Variants in HOXB3 observed in about 807,000 individuals in gnomAD.
HOXB3 encodes the protein homeobox protein Hox-B3.
A neutral mutation model predicts 29.2 loss-of-function variants in HOXB3; 17 were observed. The ratio of observed to expected loss-of-function variants is 0.58; its 90% CI spans 0.40 to 0.87. HOXB3 has a LOEUF of 0.87. Ranked by LOEUF, HOXB3 falls within the 40% of genes least tolerant of loss-of-function variation. The pLI is 0.00. For missense variants in HOXB3, 637 were observed against 616.3 expected (o/e 1.03, Z -0.35); for synonymous variants, 317 against 285.9 (o/e 1.11, Z -1.10).
At chr17:48,575,519 G>A (rs1037285484) in intron 1 of HOXB3, 13 of 152,420 alleles carry the variant, frequency 8.5e-5, no homozygotes, top group Admixed American at 5.2e-4. Context: ...CTGGTCACAA[G>A]AAACCAAACA....
chr17:48,552,497 G>A lies in HOXB3; in HGVS notation c.-23C>T. Reference sequence around the variant, plus strand: ...CATCGCTGGGTGAGGCCTGGGCAGTGGGTGGCAACTTGGAAAGGCCTGATA... The same window carrying A: ...CATCGCTGGGTGAGGCCTGGGCAGTAGGTGGCAACTTGGAAAGGCCTGATA... On this transcript the variant is annotated 5_prime_UTR_variant, in exon 4 of 5. Transcript: ENST00000498678. 1 of 1,537,182 alleles carries A rather than the reference G, an allele frequency of 6.5e-7. No homozygotes were observed. The highest frequency in any genetic ancestry group is 8.8e-7 in the Non-Finnish European group (1 of 1,138,048).
At chr17:48,573,257 T>C (rs1381469004) in intron 2 of HOXB3, among the ~76,000 whole-genome samples, 1 of 152,126 alleles carries the variant, frequency 6.6e-6, no homozygotes, top group Non-Finnish European at 1.5e-5. Context: ...GAGTAGCACA[T>C]ATTTGTCTAG....
chr17:48,573,862 C>T lies in HOXB3; in HGVS notation c.-272G>A, dbSNP rs1191467943. ...CTTTGCGCCTCTCGCCTCCTCTCGC[C>T]CGAACTCTGCAGATCCCATTCATGA... is the stretch of plus-strand genomic sequence containing the variant. On this transcript the variant is annotated 5_prime_UTR_variant, in exon 2 of 5. Coordinates refer to ENST00000498678, the MANE Select transcript of HOXB3 (RefSeq NM_001384749.1). The T allele has an allele frequency of 1.4e-6, 1 of 702,298 alleles. No individual in the cohort carries two copies. The highest frequency in any genetic ancestry group is 1.7e-5 in the African/African-American group (1 of 57,340). 43.5% of individuals were successfully genotyped at this position (702,298 alleles called of 1,614,324 possible).
In HOXB3 at chr17:48,552,163, A is replaced by G. The variant is rs2068778181; in HGVS notation, c.312T>C (p.Ser104=). The G allele has an allele frequency of 6.2e-7, 1 of 1,613,864 alleles. No individual in the cohort carries two copies. The highest frequency in any genetic ancestry group is 8.5e-7 in the Non-Finnish European group (1 of 1,179,910). ...CACTTTTGCTGGGCCCGCCCCCATT[A>G]CTGCTGTTGCTAGTGGCACTGGTAG... The part of the protein sequence containing the change: ...AAPTSATSNS[S]NGGGPSKSGP... Residue 104 remains serine, a synonymous_variant, in exon 4 of 5, where the codon AGT becomes AGC. Coordinates refer to ENST00000498678, the MANE Select transcript of HOXB3 (RefSeq NM_001384749.1).
At chr17:48,563,744 C>T (rs80347672) in intron 2 of HOXB3, among the ~76,000 whole-genome samples, 4,754 of 152,320 alleles carry the variant, frequency 0.031, 124 homozygotes, top group African/African-American at 0.073. Context: ...AACACTCAGC[C>T]TCAGTGCAAT....
chr17:48,554,791 C>A lies in HOXB3; in HGVS notation c.-159+740G>T, dbSNP rs1453518825. The A allele has an allele frequency of 2.8e-6, 2 of 702,254 alleles. No individual in the cohort carries two copies. The highest frequency in any genetic ancestry group is 4.0e-5 in the Admixed American group (2 of 49,998). The allele number at this position is 702,254 out of a possible 1,614,324, so 43.5% of individuals were successfully genotyped here. A position where few individuals can be genotyped will look rare whatever the true frequency, so the allele number is the denominator to read the frequency against. On this transcript the variant is annotated intron_variant, in intron 3 of 4. Coordinates refer to ENST00000498678, the MANE Select transcript of HOXB3 (RefSeq NM_001384749.1). This position sits in a 1 kb window ranked among gnomAD's most constrained non-coding sequence, Gnocchi z 4.1. ...CGAATTAAAAGGCGCCTTAGAAACT[C>A]CGCTTCGGGACTTTGCTCAGCAGGG... is the stretch of plus-strand genomic sequence containing the variant.
intron 3 of HOXB3, 176 bp downstream of exon 3, chr17:48,555,355 A>AGAGAGAGG: frequency 8.6e-6 from 4 of 466,232 alleles, no homozygotes; most frequent in East Asian, 3.5e-5. Flanking sequence ...AGAGAGAGAG[A>AGAGAGAGG]GAGAGAGAGG....
chr17:48,589,369 C>T (rs2065177180), intron 1 of HOXB3, among the ~76,000 whole-genome samples: 1 of 152,190 alleles, frequency 6.6e-6, no homozygotes, highest in African/African-American at 2.4e-5. Flanking sequence ...GAAGCTCTTC[C>T]CTTCCCCCAC....
intron 1 of HOXB3, chr17:48,578,778 C>G (rs2069858673): frequency 6.1e-6 from 1 of 162,722 alleles, no homozygotes; most frequent in Non-Finnish European, 1.3e-5. Flanking sequence ...CATTCTGTAC[C>G]TTCCAAAGGC....
chr17:48,550,161 T>G lies in HOXB3; in HGVS notation c.*173A>C, dbSNP rs1035205721. 25 of 811,754 alleles carry G rather than the reference T, an allele frequency of 3.1e-5. No homozygotes were observed. The South Asian group carries it at 4.6e-4, about 15-fold the overall frequency. The allele number at this position is 811,754 out of a possible 1,614,324, so 50.3% of individuals were successfully genotyped here. A position where few individuals can be genotyped will look rare whatever the true frequency, so the allele number is the denominator to read the frequency against. On this transcript the variant is annotated 3_prime_UTR_variant, in exon 5 of 5. Coordinates refer to ENST00000498678, the MANE Select transcript of HOXB3 (RefSeq NM_001384749.1). ...GCAGATGGAACAAGGGGTGGAAGAC[T>G]TAAAAGCAACCTCTCAGGCCAGGGG...
rs1297998898 is a variant in HOXB3, at chr17:48,554,982, C to A, written c.-159+549G>T. The A allele has an allele frequency of 3.3e-6, 2 of 609,938 alleles. No homozygotes were observed. Among genetic ancestry groups the A allele is most frequent in the Non-Finnish European group, 5.9e-6 (2 of 341,148 alleles). 37.8% of individuals were successfully genotyped at this position (609,938 alleles called of 1,614,324 possible). ...CCTCCATGTTGGAAAAATTCAGGTT[C>A]CATATGGCTCCTCGGGAGGGAGGGA... On this transcript the variant is annotated intron_variant, in intron 3 of 4. Transcript: ENST00000498678. The surrounding 1 kb of genome is among the most constrained non-coding windows in gnomAD (Gnocchi z 4.1).
chr17:48,590,055 C>T (rs1045675047), intron 1 of HOXB3, 70 bp downstream of exon 1: 11 of 152,194 alleles, frequency 7.2e-5, no homozygotes, highest in African/African-American at 2.7e-4. Flanking sequence ...CAGGTGGAAA[C>T]AAGTTTTCTT....
chr17:48,555,335 G>GGAGAGAGGGA, intron 3 of HOXB3, 196 bp downstream of exon 3: 1 of 459,426 alleles, frequency 2.2e-6, no homozygotes, highest in African/African-American at 3.4e-5. Flanking sequence ...AGAGAGAGAG[G>GGAGAGAGGGA]GAGAGAGAGA....
Position 48,550,189 on chromosome 17 carries a change from A to G in HOXB3, c.*145T>C, listed in dbSNP as rs2144722156. On this transcript the variant is annotated 3_prime_UTR_variant, in exon 5 of 5. Transcript: ENST00000498678. ...AAAGCAACCTCTCAGGCCAGGGGGA[A>G]GGGAAGGAGCTCCAGGCCGGTTCTG... The G allele has an allele frequency of 9.6e-7, 1 of 1,037,198 alleles. No individual in the cohort carries two copies. Among genetic ancestry groups the G allele is most frequent in the South Asian group, 1.6e-5 (1 of 61,062 alleles). The allele number at this position is 1,037,198 out of a possible 1,614,324, so 64.2% of individuals were successfully genotyped here.
At position 48,550,250 on chromosome 17, in the gene HOXB3, C is replaced by CT; in HGVS notation, c.*83dup. 1 of 1,574,256 alleles carries CT rather than the reference C, an allele frequency of 6.4e-7. No individual in the cohort carries two copies. The highest frequency in any genetic ancestry group is 8.6e-7 in the Non-Finnish European group (1 of 1,159,698). On this transcript the variant is annotated 3_prime_UTR_variant, in exon 5 of 5. Coordinates refer to ENST00000498678, the MANE Select transcript of HOXB3 (RefSeq NM_001384749.1). ...CTGGGTACCACCTTCTCTGGCTCCT[C>CT]TTTTCAGACCTCCAGGTTGCCCCCC...
chr17:48,560,856 C>G (rs1170060405), intron 2 of HOXB3, among the ~76,000 whole-genome samples: 2 of 152,156 alleles, frequency 1.3e-5, no homozygotes, highest in African/African-American at 4.8e-5. Context: ...AAGGGAGGCA[C>G]CTGCTATCAC....
chr17:48,551,626 T>G (rs1234070763), intron 4 of HOXB3, among the ~76,000 whole-genome samples: 1 of 152,186 alleles, frequency 6.6e-6, no homozygotes, highest in East Asian at 1.9e-4. Context: ...GCAGGAAGTG[T>G]GGCACGAAGA....
chr17:48,555,335 G>GGAGGGA, intron 3 of HOXB3, 196 bp downstream of exon 3: 1 of 470,184 alleles, frequency 2.1e-6, no homozygotes, highest in South Asian at 2.2e-5. Context: ...AGAGAGAGAG[G>GGAGGGA]GAGAGAGAGA....
In HOXB3 at chr17:48,554,805, T is replaced by C. The variant is rs1023264746; in HGVS notation, c.-159+726A>G. On this transcript the variant is annotated intron_variant, in intron 3 of 4. Transcript: ENST00000498678. This position sits in a 1 kb window ranked among gnomAD's most constrained non-coding sequence, Gnocchi z 4.1. ...CCTTAGAAACTCCGCTTCGGGACTTTGCTCAGCAGGGCTCCGGGTTGGAGG... is the reference window on the plus strand; with the variant it reads ...CCTTAGAAACTCCGCTTCGGGACTTCGCTCAGCAGGGCTCCGGGTTGGAGG... 6 of 702,160 alleles carry C rather than the reference T, an allele frequency of 8.5e-6. No individual in the cohort carries two copies. In the African/African-American group the frequency reaches 1.0e-4, roughly 12 times the overall value. 43.5% of individuals were successfully genotyped at this position (702,160 alleles called of 1,614,324 possible). A position where few individuals can be genotyped will look rare whatever the true frequency, so the allele number is the denominator to read the frequency against.
Sources: allele counts gnomAD v4.1 joint callset (sites outside exome capture counted in the v4.1 genomes callset), GRCh38; gene constraint gnomAD v4.1.1; non-coding constraint Gnocchi (gnomAD v3.1); transcripts MANE v1.5; gene names NCBI Gene and HGNC (gene_info 2026-07-23, HGNC 2026-07-21).